The following PCDHA2 variants were observed in gnomAD, a reference collection of about 807,000 sequenced individuals.
PCDHA2 encodes protocadherin alpha 2.
In PCDHA2, 58 loss-of-function variants were observed where a neutral mutation model predicts 66.0. The observed-to-expected ratio is 0.88, with a 90% CI of 0.71 to 1.09. The LOEUF is 1.09. PCDHA2 is among the 50% of genes least tolerant of loss of function. The pLI is 0.00. For synonymous variants in PCDHA2, 634 were observed against 554.0 expected (o/e 1.14, Z -2.03); for missense variants, 1,267 against 1,242.3 (o/e 1.02, Z -0.30).
chr5:140,896,762 T>C (rs1408695272), intron 1 of PCDHA2, among the ~76,000 whole-genome samples: 1 of 152,224 alleles, frequency 6.6e-6, no homozygotes, highest in Non-Finnish European at 1.5e-5. Context: ...TAGACCTTTG[T>C]TGGATGCATA....
chr5:140,915,283 C>T (rs1395177735), intron 1 of PCDHA2, among the ~76,000 whole-genome samples: 1 of 152,068 alleles, frequency 6.6e-6, no homozygotes, highest in African/African-American at 2.4e-5. Context: ...ATCATTTACT[C>T]TTTCTACTTA....
rs191774551 is a variant in PCDHA2, at chr5:140,984,794, A to C, written c.2536+2231A>C. Among the ~76,000 whole-genome samples, 4 of 152,294 alleles carry C rather than the reference A, an allele frequency of 2.6e-5. No homozygotes were observed. In the East Asian group the frequency reaches 7.7e-4, roughly 29 times the overall value. ...CTTACTTGCTGGGTGAGCATAGACA[A>C]ACTGCCTGAATTCATATTTTCTTAA... On this transcript the variant is annotated intron_variant, in intron 3 of 3. Transcript: ENST00000526136.
In PCDHA2 at chr5:140,882,368, T is replaced by C. The variant is rs781902519; in HGVS notation, c.2388+85016T>C. On this transcript the variant is annotated intron_variant, in intron 1 of 3. Transcript: ENST00000526136. ...GACGGGTAGTGGCCAGCTCCACTAC[T>C]CCGTCCCCGAGGAAGCAAAACACGG... 1.9e-6 allele frequency: 3 copies of C among 1,614,218 alleles called. No individual in the cohort carries two copies. The South Asian group carries it at 3.3e-5, about 18-fold the overall frequency.
intron 1 of PCDHA2, chr5:140,803,538 A>G: frequency 6.2e-7 from 1 of 1,614,216 alleles, no homozygotes; most frequent in Non-Finnish European, 8.5e-7. Context: ...TCCTTGTCCA[A>G]TTAGCCGGGA....
At chr5:140,803,325 C>T in intron 1 of PCDHA2, 1 of 1,614,176 alleles carries the variant, frequency 6.2e-7, no homozygotes, top group Non-Finnish European at 8.5e-7. Flanking sequence ...GGTGTCCAGT[C>T]TGTTGGTGCT....
intron 1 of PCDHA2, among the ~76,000 whole-genome samples, chr5:140,972,728 A>T (rs189687890): frequency 6.8e-6 from 1 of 147,854 alleles, no homozygotes; most frequent in East Asian, 2.0e-4. Context: ...CAGTGGCGTA[A>T]TCCCGGCTCA....
chr5:140,842,799 C>T lies in PCDHA2; in HGVS notation c.2388+45447C>T, dbSNP rs2150344737. ...CAGGAGAACGCGCTGGTGTCCTACT[C>T]GCTTGTGGAGCGGCGGGTGGGCGAG... On this transcript the variant is annotated intron_variant, in intron 1 of 3. Coordinates refer to ENST00000526136, the MANE Select transcript of PCDHA2 (RefSeq NM_018905.3). 1.6e-5 allele frequency: 25 copies of T among 1,594,312 alleles called. 3 individuals carry two copies. Among genetic ancestry groups the T allele is most frequent in the Non-Finnish European group, 1.7e-5 (20 of 1,165,456 alleles).
intron 1 of PCDHA2, among the ~76,000 whole-genome samples, chr5:140,946,635 A>G (rs2094003182): frequency 1.6e-5 from 1 of 62,812 alleles, no homozygotes; most frequent in Admixed American, 1.5e-4. Flanking sequence ...TATATATACA[A>G]TGGAATACTC....
intron 1 of PCDHA2, chr5:140,968,123 C>T (rs782499744): frequency 1.1e-5 from 17 of 1,614,058 alleles, no homozygotes; most frequent in Admixed American, 3.3e-5. Context: ...CACATCCCTG[C>T]GTACACTGAA....
At chr5:140,851,370 T>A in intron 1 of PCDHA2, 1 of 979,252 alleles carries the variant, frequency 1.0e-6, no homozygotes, top group Non-Finnish European at 1.2e-6. Flanking sequence ...AACATCTGAT[T>A]GTTCAGCAAC....
At chr5:140,813,599 A>ATGAGTGAATGG (rs1381585879) in intron 1 of PCDHA2, 1 of 152,234 alleles carries the variant, frequency 6.6e-6, no homozygotes, top group Non-Finnish European at 1.5e-5. Context: ...GCATGAGTCA[A>ATGAGTGAATGG]TGAGTGAATG....
At chr5:140,973,449 C>CT (rs2096588066) in intron 1 of PCDHA2, among the ~76,000 whole-genome samples, 1 of 152,188 alleles carries the variant, frequency 6.6e-6, no homozygotes, top group African/African-American at 2.4e-5. Flanking sequence ...TTTATAATGA[C>CT]TGGGGCTGTT....
At position 140,833,364 on chromosome 5, in the gene PCDHA2, G is replaced by A. The variant is rs1298324769; in HGVS notation, c.2388+36012G>A. On this transcript the variant is annotated intron_variant, in intron 1 of 3. Transcript: ENST00000526136. ...ACATTCCAGAAAACGAACACAGTAA[G>A]GTAGATCCAAAAAGGATGAAATACC... Among the ~76,000 whole-genome samples the A allele has an allele frequency of 2.6e-5, 4 of 152,118 alleles. No homozygotes were observed. In the South Asian group the frequency reaches 8.3e-4, roughly 31 times the overall value.
chr5:140,890,737 T>C (rs926717911), intron 1 of PCDHA2, among the ~76,000 whole-genome samples: 1 of 152,240 alleles, frequency 6.6e-6, no homozygotes. Flanking sequence ...TTGACTTATA[T>C]ACTATTTCTG....
chr5:140,918,107 C>T (rs2078522550), intron 1 of PCDHA2, among the ~76,000 whole-genome samples: 1 of 152,132 alleles, frequency 6.6e-6, no homozygotes. Flanking sequence ...AGATCTTTCA[C>T]ATCCTTGATT....
At chr5:140,835,917 G>T in intron 1 of PCDHA2, 1 of 1,612,332 alleles carries the variant, frequency 6.2e-7, no homozygotes, top group Non-Finnish European at 8.5e-7. Flanking sequence ...GTCAGTGCAC[G>T]CGGAGAGCGG....
intron 1 of PCDHA2, among the ~76,000 whole-genome samples, chr5:140,895,617 G>T (rs782388218): frequency 6.6e-6 from 1 of 152,084 alleles, no homozygotes; most frequent in Non-Finnish European, 1.5e-5. Context: ...CTCATTGAGG[G>T]TGTTGTCTTT....
chr5:140,822,084 C>A (rs2150113560), intron 1 of PCDHA2: 76 of 1,614,106 alleles, frequency 4.7e-5, no homozygotes, highest in Non-Finnish European at 6.4e-5. Context: ...AGTGCAGCAT[C>A]CACCTGGAGG....
chr5:140,907,412 A>G (rs889699438), intron 1 of PCDHA2, among the ~76,000 whole-genome samples: 5 of 152,232 alleles, frequency 3.3e-5, no homozygotes, highest in Non-Finnish European at 7.3e-5. Flanking sequence ...GAATACCACG[A>G]TGGTGGATAA....
Sources: allele counts gnomAD v4.1 joint callset (sites outside exome capture counted in the v4.1 genomes callset), GRCh38; gene constraint gnomAD v4.1.1; transcripts MANE v1.5; gene names NCBI Gene and HGNC (gene_info 2026-07-23, HGNC 2026-07-21).